The following LARGE1 variants were observed in gnomAD, a reference collection of about 807,000 sequenced individuals.
LARGE1 encodes LARGE xylosyl- and glucuronyltransferase 1.
LARGE1 carries 43 observed loss-of-function variants against 87.6 expected under a neutral mutation model. The observed-to-expected ratio is 0.49, with a 90% CI of 0.38 to 0.63. The LOEUF is 0.63. LARGE1 is among the 30% of genes least tolerant of loss of function. The pLI, the probability that LARGE1 is intolerant of heterozygous loss-of-function variation, is 0.00. For synonymous variants in LARGE1, 434 were observed against 394.6 expected, an observed-to-expected ratio of 1.10 and a Z score of -1.18; for missense variants, 802 against 1,000.2, an observed-to-expected ratio of 0.80 and a Z score of 2.67.
chr22:33,555,916 G>GAC (rs2077662498), intron 6 of LARGE1, among the ~76,000 whole-genome samples: 1 of 135,630 alleles, frequency 7.4e-6, no homozygotes, highest in Non-Finnish European at 1.5e-5. Flanking sequence ...GGTGGAGAGA[G>GAC]AGAGACTCCA....
intron 1 of LARGE1, among the ~76,000 whole-genome samples, chr22:33,863,656 T>A (rs1343054276): frequency 1.3e-5 from 2 of 151,652 alleles, no homozygotes; most frequent in Non-Finnish European, 2.9e-5. Flanking sequence ...TAATCCCAGT[T>A]ACTCAGGAGG....
At chr22:33,281,872 T>A (rs988768035) in intron 13 of LARGE1, among the ~76,000 whole-genome samples, 2 of 152,232 alleles carry the variant, frequency 1.3e-5, no homozygotes, top group African/African-American at 4.8e-5. Context: ...TTTCACAAGA[T>A]AAAGTTTATT....
the LARGE1 span, among the ~76,000 whole-genome samples, chr22:33,082,149 T>A: frequency 6.6e-6 from 1 of 152,172 alleles, no homozygotes; most frequent in Non-Finnish European, 1.5e-5. Flanking sequence ...TCTAGTTGAA[T>A]AGCAGAGCAG....
At chr22:33,771,899 A>C (rs2085078457) in intron 1 of LARGE1, among the ~76,000 whole-genome samples, 1 of 152,106 alleles carries the variant, frequency 6.6e-6, no homozygotes, top group Non-Finnish European at 1.5e-5. Context: ...CGCAATCTCC[A>C]ATTCAGGCAA....
At chr22:33,852,728 C>T (rs2063630731) in intron 1 of LARGE1, among the ~76,000 whole-genome samples, 1 of 151,540 alleles carries the variant, frequency 6.6e-6, no homozygotes, top group South Asian at 2.1e-4. Context: ...TGGCGGCGTA[C>T]ACCTGTAGTC....
Position 33,569,406 on chromosome 22 carries a change from G to A in LARGE1, c.616-4387C>T, listed in dbSNP as rs1003499703. On this transcript the variant is annotated intron_variant, in intron 5 of 14. Transcript: ENST00000397394. ...TACAGGAATAAATTAATCTCAACAT[G>A]AGCCCAGTCCTGAATGTCACTCCAA... 1.6e-4 allele frequency among the ~76,000 whole-genome samples: 25 copies of A among 152,138 alleles called. 2 individuals are homozygous for A. The highest frequency in any genetic ancestry group is 1.5e-3 in the Admixed American group (23 of 15,276).
At chr22:33,069,120 T>C in the LARGE1 span, among the ~76,000 whole-genome samples, 1 of 152,174 alleles carries the variant, frequency 6.6e-6, no homozygotes, top group African/African-American at 2.4e-5. Flanking sequence ...TCAAGTCATG[T>C]GTGTGGCACT....
At chr22:33,299,168 G>A (rs911213979) in intron 12 of LARGE1, among the ~76,000 whole-genome samples, 3 of 151,946 alleles carry the variant, frequency 2.0e-5, no homozygotes, top group Non-Finnish European at 4.4e-5. Flanking sequence ...AGCCATGATT[G>A]CACCATTCCA....
intron 1 of LARGE1, among the ~76,000 whole-genome samples, chr22:33,775,036 G>C (rs188932030): frequency 6.6e-4 from 101 of 152,314 alleles, no homozygotes; most frequent in African/African-American, 2.2e-3. Flanking sequence ...GGATGTGACA[G>C]TGCTTAGGAA....
intron 6 of LARGE1, among the ~76,000 whole-genome samples, chr22:33,443,194 T>TA (rs2067550510): frequency 6.6e-6 from 1 of 152,162 alleles, no homozygotes; most frequent in African/African-American, 2.4e-5. Context: ...TTTAGAGAGA[T>TA]AAAGTCACAT....
intron 11 of LARGE1, among the ~76,000 whole-genome samples, chr22:33,167,376 G>A (rs997530592): frequency 3.0e-4 from 45 of 152,166 alleles, no homozygotes; most frequent in African/African-American, 1.1e-3. Context: ...GTCACATGAA[G>A]TTGTGAATAC....
chr22:33,191,356 G>A (rs529655705), intron 11 of LARGE1, among the ~76,000 whole-genome samples: 6 of 152,224 alleles, frequency 3.9e-5, no homozygotes, highest in South Asian at 2.1e-4. Context: ...AAATAAAATC[G>A]CATCTTGGCT....
At chr22:33,684,233 T>C (rs2081875215) in intron 2 of LARGE1, among the ~76,000 whole-genome samples, 1 of 152,144 alleles carries the variant, frequency 6.6e-6, no homozygotes, top group Non-Finnish European at 1.5e-5. Flanking sequence ...CCCTTCTCTA[T>C]GTCATCCACT....
chr22:33,554,171 C>T (rs2077609689), intron 6 of LARGE1, among the ~76,000 whole-genome samples: 1 of 152,076 alleles, frequency 6.6e-6, no homozygotes, highest in African/African-American at 2.4e-5. Flanking sequence ...CCGTTGCTCC[C>T]CCTCGCAAAT....
intron 7 of LARGE1, among the ~76,000 whole-genome samples, chr22:33,402,467 C>G (rs552450140): frequency 6.6e-6 from 1 of 152,146 alleles, no homozygotes; most frequent in South Asian, 2.1e-4. Flanking sequence ...AGTCACCTCC[C>G]CAGTGCACAC....
At chr22:33,155,740 C>G in the LARGE1 span, among the ~76,000 whole-genome samples, 1 of 152,180 alleles carries the variant, frequency 6.6e-6, no homozygotes, top group Non-Finnish European at 1.5e-5. Context: ...ATGTTAATCA[C>G]CAAGACAAAG....
chr22:33,138,301 T>A, the LARGE1 span, among the ~76,000 whole-genome samples: 7 of 152,164 alleles, frequency 4.6e-5, no homozygotes, highest in Admixed American at 3.3e-4. Flanking sequence ...GGCCAATTTT[T>A]TCCATTTGGA....
At chr22:33,654,805 C>T (rs575660679) in intron 2 of LARGE1, among the ~76,000 whole-genome samples, 1 of 152,324 alleles carries the variant, frequency 6.6e-6, no homozygotes, top group African/African-American at 2.4e-5. Context: ...GTGGTGAAGA[C>T]AGCAAGAGAG....
chr22:33,487,000 G>T (rs1445939375), intron 6 of LARGE1, among the ~76,000 whole-genome samples: 1 of 152,188 alleles, frequency 6.6e-6, no homozygotes, highest in African/African-American at 2.4e-5. Flanking sequence ...CCAAATTGCG[G>T]ACACAAATAT....
Sources: gnomAD v4.1 joint callset for allele counts (sites outside exome capture counted in the v4.1 genomes callset) on GRCh38, gnomAD v4.1.1 for gene constraint, MANE v1.5 for transcripts, NCBI Gene and HGNC (gene_info 2026-07-23, HGNC 2026-07-21) for gene names.